SHROOM2: variants seen among roughly 807,000 people sequenced by gnomAD.
SHROOM2 encodes shroom family member 2, also known as protein Shroom2.
Under a neutral mutation model 75.9 loss-of-function variants are expected in SHROOM2, and 33 were observed. That is an observed-to-expected ratio of 0.43 (90% CI 0.33 to 0.58). The LOEUF is 0.58. Among genes scored for constraint, SHROOM2 ranks in the 20% least tolerant of loss-of-function variants. The probability of loss-of-function intolerance (pLI) is 0.04; values close to 1 mark genes in which losing one functional copy is unlikely to be tolerated. For synonymous variants in SHROOM2, 655 were observed against 663.6 expected (o/e 0.99, Z 0.20); for missense variants, 1,434 against 1,461.2 (o/e 0.98, Z 0.30).
chrX:9,847,456 A>G (rs1195250241), intron 1 of SHROOM2, among the ~76,000 whole-genome samples: 1 of 112,171 alleles, frequency 8.9e-6, no homozygotes, highest in Non-Finnish European at 1.9e-5. Context: ...AAATGTCAAC[A>G]TACTCTCCAG....
intron 1 of SHROOM2, among the ~76,000 whole-genome samples, chrX:9,828,179 T>G (rs773478934): frequency 2.7e-5 from 3 of 112,627 alleles, no homozygotes; most frequent in African/African-American, 9.7e-5. Context: ...GAAAACTGCC[T>G]TATAAAACCA....
At chrX:9,852,684 T>C (rs2084047245) in intron 1 of SHROOM2, among the ~76,000 whole-genome samples, 1 of 112,847 alleles carries the variant, frequency 8.9e-6, no homozygotes, top group African/African-American at 3.2e-5. Flanking sequence ...TTTGTATGAA[T>C]TGCAATTTTA....
rs183225009 is a variant in SHROOM2, at chrX:9,849,252, G to A, written c.166-24400G>A. Among the ~76,000 whole-genome samples, 281 of 111,848 alleles carry A rather than the reference G, an allele frequency of 2.5e-3. 2 individuals carry two copies. The highest frequency in any genetic ancestry group is 9.0e-3 in the African/African-American group (277 of 30,840). On this transcript the variant is annotated intron_variant, in intron 1 of 9. Coordinates refer to ENST00000380913, the MANE Select transcript of SHROOM2 (RefSeq NM_001649.4). Reference sequence around the variant, plus strand: ...GAGGCTGGGAGGAGAGACAGCAGGCGCCGGCTGGCAGGAGCAGTCCATGTG... The same window carrying A: ...GAGGCTGGGAGGAGAGACAGCAGGCACCGGCTGGCAGGAGCAGTCCATGTG...
At chrX:9,897,079 A>G (rs556785130) in intron 4 of SHROOM2, among the ~76,000 whole-genome samples, 1 of 112,442 alleles carries the variant, frequency 8.9e-6, no homozygotes, top group African/African-American at 3.2e-5. Flanking sequence ...GCTTAAAATG[A>G]CATACAGTAG....
chrX:9,831,678 AAAG>A (rs1391086339), intron 1 of SHROOM2, among the ~76,000 whole-genome samples: 23 of 111,463 alleles, frequency 2.1e-4, no homozygotes, highest in African/African-American at 5.5e-4. Context: ...CAAACAAACA[AAAG>A]CAACAGACAT....
chrX:9,839,887 G>T (rs1266733679), intron 1 of SHROOM2, among the ~76,000 whole-genome samples: 2 of 112,273 alleles, frequency 1.8e-5, no homozygotes, highest in Non-Finnish European at 3.8e-5. Context: ...TCCAGCCTGT[G>T]CAGATGTCTG....
intron 1 of SHROOM2, among the ~76,000 whole-genome samples, chrX:9,856,612 A>G (rs1187268412): frequency 2.7e-5 from 3 of 111,483 alleles, no homozygotes; most frequent in Non-Finnish European, 5.7e-5. Flanking sequence ...CCATTCTTCT[A>G]ACTGCCTCAC....
rs141411189 is a variant in SHROOM2, at chrX:9,869,501, C to G, written c.166-4151C>G. ...TCCTCTCCCCAGCCCCTGGTAATCA[C>G]CATTCCACTTTCTCTGTCTATCCTT... On this transcript the variant is annotated intron_variant, in intron 1 of 9. Coordinates refer to ENST00000380913, the MANE Select transcript of SHROOM2 (RefSeq NM_001649.4). Among the ~76,000 whole-genome samples the G allele has an allele frequency of 5.1e-3, 567 of 111,881 alleles. 2 individuals carry two copies. The highest frequency in any genetic ancestry group is 0.018 in the African/African-American group (540 of 30,850).
chrX:9,892,748 T>C (rs1324251007), intron 3 of SHROOM2, among the ~76,000 whole-genome samples: 1 of 112,183 alleles, frequency 8.9e-6, no homozygotes, highest in Non-Finnish European at 1.9e-5. Flanking sequence ...CTCCCTCCCA[T>C]AGATGACAGC....
At chrX:9,854,448 T>G (rs1270169657) in intron 1 of SHROOM2, among the ~76,000 whole-genome samples, 2 of 111,887 alleles carry the variant, frequency 1.8e-5, no homozygotes, top group Non-Finnish European at 3.8e-5. Context: ...GGAGCCCAGC[T>G]GAGATTGACC....
rs772608855 is a variant in SHROOM2 at position 9,936,997 on chromosome X, G to A, written c.3588-137G>A. ...TGCCTCATCCAGGATGTGGGATCAT[G>A]GAGGCTCCTTCGAGTTGGGTGGCTG... On this transcript the variant is annotated intron_variant, in intron 6 of 9. Transcript: ENST00000380913. 199 of 590,835 alleles carry A rather than the reference G, an allele frequency of 3.4e-4. 1 individual carries two copies. In the East Asian group the frequency reaches 6.5e-3, roughly 19 times the overall value. The allele number at this position is 590,835 out of a possible 1,213,427, so 48.7% of individuals were successfully genotyped here. A position where few individuals can be genotyped will look rare whatever the true frequency, so the allele number is the denominator to read the frequency against.
In SHROOM2 at chrX:9,834,072, A is replaced by C. The variant is rs139367587; in HGVS notation, c.166-39580A>C. Among the ~76,000 whole-genome samples, 66 of 112,608 alleles carry C rather than the reference A, an allele frequency of 5.9e-4. No homozygotes were observed. The East Asian group carries it at 0.017, about 30-fold the overall frequency. ...CAGAGGTATTTTTGGTTGTCTTAAG[A>C]TGGGGGGATGCCACTGGCCTTTGTG... On this transcript the variant is annotated intron_variant, in intron 1 of 9. Transcript: ENST00000380913.
chrX:9,930,630 C>T (rs1230936933), intron 5 of SHROOM2, among the ~76,000 whole-genome samples: 1 of 111,791 alleles, frequency 8.9e-6, no homozygotes, highest in East Asian at 2.8e-4. Flanking sequence ...CCTGTGAGAG[C>T]GCTTCTCAGA....
At chrX:9,913,566 A>G (rs2084453572) in intron 5 of SHROOM2, among the ~76,000 whole-genome samples, 1 of 112,392 alleles carries the variant, frequency 8.9e-6, no homozygotes, top group African/African-American at 3.2e-5. Context: ...CAGAGGGTCG[A>G]TGGCATTTTC....
At chrX:9,822,303 G>C (rs1256232700) in intron 1 of SHROOM2, among the ~76,000 whole-genome samples, 1 of 111,789 alleles carries the variant, frequency 8.9e-6, no homozygotes, top group African/African-American at 3.3e-5. Context: ...GTTAGGGGAA[G>C]GGGGGAGGAG....
intron 1 of SHROOM2, among the ~76,000 whole-genome samples, chrX:9,848,984 G>A (rs768746420): frequency 1.8e-5 from 2 of 111,786 alleles, no homozygotes; most frequent in East Asian, 5.6e-4. Flanking sequence ...ACCCCAGAGC[G>A]ACCGTTTGCA....
In SHROOM2 at chrX:9,896,199, C is replaced by A; in HGVS notation, c.2291C>A (p.Ser764Ter). Residue 764 changes from serine (S) to a stop codon, truncating the protein, a stop_gained, in exon 4 of 10, where the codon TCG becomes TAG. Coordinates refer to ENST00000380913, the MANE Select transcript of SHROOM2 (RefSeq NM_001649.4). LOFTEE classifies it high-confidence loss of function. The part of the protein sequence containing the change: ...FTAEQKLKSY[S>*]EPEKMNEVGL... ...GCTGAGCAGAAATTGAAGTCCTACT[C>A]GGAACCTGAGAAGATGAACGAGGTG... 8.3e-7 allele frequency: 1 copy of A among 1,211,203 alleles called. No individual in the cohort carries two copies. The highest frequency in any genetic ancestry group is 1.1e-6 in the Non-Finnish European group (1 of 895,359).
rs138974491 is a variant in SHROOM2, at chrX:9,930,129, A to C, written c.2892-2046A>C. ...AAATAACAGGTACCAGGTGCTTTCA[A>C]GTGGGTCTATGGGTGATAGATTTCA... On this transcript the variant is annotated intron_variant, in intron 5 of 9. Transcript: ENST00000380913. Among the ~76,000 whole-genome samples, 217 of 111,652 alleles carry C rather than the reference A, an allele frequency of 1.9e-3. 1 individual carries two copies. The highest frequency in any genetic ancestry group is 6.6e-3 in the African/African-American group (204 of 30,717).
intron 1 of SHROOM2, among the ~76,000 whole-genome samples, chrX:9,812,236 C>T (rs940635240): frequency 2.7e-5 from 3 of 111,929 alleles, no homozygotes; most frequent in African/African-American, 9.7e-5. Context: ...AAACAGCATC[C>T]TTATCTGCCA....
Sources: allele counts gnomAD v4.1 joint callset (sites outside exome capture counted in the v4.1 genomes callset), GRCh38; gene constraint gnomAD v4.1.1; transcripts MANE v1.5; gene names NCBI Gene and HGNC (gene_info 2026-07-23, HGNC 2026-07-21).